Variants in ASPH observed in about 807,000 individuals in gnomAD.
ASPH encodes aspartyl/asparaginyl beta-hydroxylase.
In ASPH, 100 loss-of-function variants were observed where a neutral mutation model predicts 118.4. That is an observed-to-expected ratio of 0.84 (90% CI 0.72 to 1.00). The LOEUF is 1.00. Ranked by LOEUF, ASPH falls within the 50% of genes least tolerant of loss-of-function variation. The pLI is 0.00. For synonymous variants in ASPH, 315 were observed against 325.6 expected, an observed-to-expected ratio of 0.97 and a Z score of 0.35; for missense variants, 920 against 919.5, an observed-to-expected ratio of 1.00 and a Z score of -0.01.
At chr8:61,526,227 C>G in intron 21 of ASPH, 115 bp from the exon 22 acceptor site, 1 of 1,345,636 alleles carries the variant, frequency 7.4e-7, no homozygotes, top group Non-Finnish European at 1.0e-6. Context: ...TTTGCCTTAT[C>G]TAGATTGCTT....
chr8:61,526,195 C>T (rs985815146), intron 21 of ASPH, 83 bp from the exon 22 acceptor site: 91 of 1,541,822 alleles, frequency 5.9e-5, no homozygotes, highest in Admixed American at 1.1e-4. Flanking sequence ...TTTTGAGGTT[C>T]GTCTCAGAAA....
intron 13 of ASPH, chr8:61,624,428 G>GTTATCAAAAAT: frequency 1.0e-6 from 1 of 984,798 alleles, no homozygotes; most frequent in South Asian, 4.7e-5. Flanking sequence ...TGTGATTTTA[G>GTTATCAAAAAT]TTATCAAAAA....
Position 61,554,673 on chromosome 8 carries a change from T to C in ASPH, c.1536+1251A>G, listed in dbSNP as rs942726941. ...CAGATAAAAAACATTTCCATCACAG[T>C]AGAAAATTCTTTTTTTTTAGAGACT... On this transcript the variant is annotated intron_variant, in intron 19 of 24. Transcript: ENST00000379454. Among the ~76,000 whole-genome samples, 8 of 152,214 alleles carry C rather than the reference T, an allele frequency of 5.3e-5. No homozygotes were observed. In the East Asian group the frequency reaches 1.5e-3, roughly 29 times the overall value.
chr8:61,584,078 A>AGTCAAAATT lies in ASPH; in HGVS notation c.977-50_977-49insAATTTTGAC, dbSNP rs1262838118. 4.2e-6 allele frequency: 5 copies of AGTCAAAATT among 1,189,620 alleles called. No homozygotes were observed. In the African/African-American group the frequency reaches 7.8e-5, roughly 19 times the overall value. 73.7% of individuals were successfully genotyped at this position (1,189,620 alleles called of 1,614,324 possible). A position where few individuals can be genotyped will look rare whatever the true frequency, so the allele number is the denominator to read the frequency against. Reference sequence around the variant, plus strand: ...TTTTTAACGTTTTTTGACTAGAAATAGTTATTAAGCATAACAATTTACAAG... The same window carrying AGTCAAAATT: ...TTTTTAACGTTTTTTGACTAGAAATAGTCAAAATTGTTATTAAGCATAACAATTTACAAG... On this transcript the variant is annotated intron_variant, in intron 14 of 24. Coordinates refer to ENST00000379454, the MANE Select transcript of ASPH (RefSeq NM_004318.4).
intron 12 of ASPH, among the ~76,000 whole-genome samples, chr8:61,634,833 G>A (rs867823123): frequency 4.6e-5 from 7 of 152,144 alleles, no homozygotes; most frequent in Middle Eastern, 6.8e-3. Flanking sequence ...TGCTGCTTTT[G>A]TTATTTCCAA....
At chr8:61,679,933 G>A (rs1264956684) in intron 3 of ASPH, among the ~76,000 whole-genome samples, 1 of 141,488 alleles carries the variant, frequency 7.1e-6, no homozygotes, top group Non-Finnish European at 1.5e-5. Context: ...AATTCCCAAT[G>A]GGCAATAATA....
intron 13 of ASPH, among the ~76,000 whole-genome samples, chr8:61,629,435 G>T (rs540449258): frequency 4.6e-5 from 7 of 152,152 alleles, no homozygotes; most frequent in African/African-American, 1.7e-4. Context: ...ATGATTTCAA[G>T]GAAAACTATG....
At chr8:61,549,492 T>C (rs1350758710) in intron 20 of ASPH, among the ~76,000 whole-genome samples, 4 of 152,180 alleles carry the variant, frequency 2.6e-5, no homozygotes, top group Non-Finnish European at 5.9e-5. Flanking sequence ...TTTAGTTATC[T>C]TTTTTATTAA....
At chr8:61,576,687 G>A (rs1420395370) in intron 16 of ASPH, 85 bp downstream of exon 16, 2 of 1,193,078 alleles carry the variant, frequency 1.7e-6, no homozygotes, top group African/African-American at 1.5e-5. Context: ...AATTAGAAAG[G>A]GAAAATAGTG....
intron 14 of ASPH, among the ~76,000 whole-genome samples, chr8:61,591,445 T>C (rs906843562): frequency 6.6e-6 from 1 of 151,702 alleles, no homozygotes; most frequent in Non-Finnish European, 1.5e-5. Flanking sequence ...CTGAAGATCT[T>C]GTAGGGAACA....
chr8:61,678,035 C>T (rs536854579), intron 3 of ASPH, among the ~76,000 whole-genome samples: 1 of 152,230 alleles, frequency 6.6e-6, no homozygotes, highest in South Asian at 2.1e-4. Flanking sequence ...CAGGGCTCAA[C>T]CAAAGGGAAT....
chr8:61,664,296 T>G, intron 3 of ASPH: 1 of 968,916 alleles, frequency 1.0e-6, no homozygotes, highest in Non-Finnish European at 1.2e-6. Flanking sequence ...CAATCAAATA[T>G]GAAAAATGTA....
At chr8:61,536,037 C>CTTTTT (rs34022613) in intron 21 of ASPH, among the ~76,000 whole-genome samples, 3 of 128,432 alleles carry the variant, frequency 2.3e-5, no homozygotes, top group Non-Finnish European at 3.2e-5. Flanking sequence ...AAACAGGTGA[C>CTTTTT]TTTTTTTTTT....
At chr8:61,507,209 A>G (rs1208661999) in intron 24 of ASPH, among the ~76,000 whole-genome samples, 1 of 152,216 alleles carries the variant, frequency 6.6e-6, no homozygotes, top group African/African-American at 2.4e-5. Flanking sequence ...AGTGCATATA[A>G]AAGTAGAACT....
intron 19 of ASPH, among the ~76,000 whole-genome samples, chr8:61,554,210 G>A (rs771019884): frequency 7.2e-5 from 11 of 152,250 alleles, no homozygotes; most frequent in Non-Finnish European, 1.5e-4. Context: ...GGGGTCCAGG[G>A]ACAGCCCCAT....
intron 15 of ASPH, chr8:61,579,434 G>T (rs1335942251): frequency 1.9e-6 from 3 of 1,611,512 alleles, no homozygotes; most frequent in Non-Finnish European, 2.5e-6. Context: ...TGAAGTCTGG[G>T]ATGCAGAACA....
In ASPH at chr8:61,506,433, G is replaced by A. The variant is rs373414170; in HGVS notation, c.2127-2924C>T. On this transcript the variant is annotated intron_variant, in intron 24 of 24. Coordinates refer to ENST00000379454, the MANE Select transcript of ASPH (RefSeq NM_004318.4). ...GTTATACAATATGGATGTACTTAAT[G>A]TCACTAAACTGCACACCTAAAAATG... is the stretch of plus-strand genomic sequence containing the variant. Among the ~76,000 whole-genome samples the A allele has an allele frequency of 2.0e-5, 3 of 152,294 alleles. No homozygotes were observed. In the South Asian group the frequency reaches 6.2e-4, roughly 32 times the overall value.
At chr8:61,574,639 G>T (rs1242722709) in intron 16 of ASPH, among the ~76,000 whole-genome samples, 4 of 152,170 alleles carry the variant, frequency 2.6e-5, no homozygotes, top group Non-Finnish European at 4.4e-5. Context: ...ATAAGTGGGA[G>T]TTGAACAATG....
intron 3 of ASPH, among the ~76,000 whole-genome samples, chr8:61,655,492 C>A (rs777325135): frequency 2.0e-5 from 3 of 152,200 alleles, no homozygotes; most frequent in Non-Finnish European, 4.4e-5. Flanking sequence ...GGCTCTCAAA[C>A]TGTGTTCCGT....
Sources: gnomAD v4.1 joint callset for allele counts (sites outside exome capture counted in the v4.1 genomes callset) on GRCh38, gnomAD v4.1.1 for gene constraint, MANE v1.5 for transcripts, NCBI Gene and HGNC (gene_info 2026-07-23, HGNC 2026-07-21) for gene names.